The following TEX22 variants were observed in gnomAD, a reference collection of about 807,000 sequenced individuals.
TEX22 encodes testis-expressed protein 22.
A neutral mutation model predicts 11.3 loss-of-function variants in TEX22; 16 were observed. The ratio of observed to expected loss-of-function variants is 1.42; its 90% CI spans 0.96 to 2.15. TEX22 has a LOEUF of 2.15. TEX22 is among the 30% of genes most tolerant of loss of function. TEX22 has a pLI of 0.00. For synonymous variants in TEX22, 97 were observed against 92.3 expected (o/e 1.05, Z -0.29); for missense variants, 220 against 208.6 (o/e 1.05, Z -0.34).
At chr14:105,401,505 TCTCA>T (rs1169412182) in intron 2 of TEX22, among the ~76,000 whole-genome samples, 1 of 143,572 alleles carries the variant, frequency 7.0e-6, no homozygotes, top group African/African-American at 2.6e-5. Context: ...TGCTGCATGT[TCTCA>T]CTCATAGGTG....
chr14:105,411,570 G>A (rs2081692484), intron 3 of TEX22, 74 bp downstream of exon 3: 1 of 1,023,592 alleles, frequency 9.8e-7, no homozygotes, highest in African/African-American at 2.3e-5. Flanking sequence ...CCTCGACTCA[G>A]TCCCACTGGG....
intron 2 of TEX22, among the ~76,000 whole-genome samples, chr14:105,408,322 A>G (rs150887553): frequency 6.6e-6 from 1 of 150,878 alleles, no homozygotes; most frequent in African/African-American, 2.4e-5. Flanking sequence ...GCTCACTGCA[A>G]CCTCCGCCTC....
chr14:105,408,962 C>CCTCCTG (rs1272461914), intron 2 of TEX22, among the ~76,000 whole-genome samples: 3 of 148,478 alleles, frequency 2.0e-5, no homozygotes, highest in African/African-American at 7.4e-5. Context: ...CCCTCCCCCT[C>CCTCCTG]CTCCTGCTCC....
At position 105,399,585 on chromosome 14, in the gene TEX22, A is replaced by C. The variant is rs1400244189; in HGVS notation, c.150+95A>C. 9 of 1,376,192 alleles carry C rather than the reference A, an allele frequency of 6.5e-6. No homozygotes were observed. The African/African-American group carries it at 1.3e-4, about 20-fold the overall frequency. 85.2% of individuals were successfully genotyped at this position (1,376,192 alleles called of 1,614,324 possible). On this transcript the variant is annotated intron_variant, in intron 2 of 3. Transcript: ENST00000451127. Reference sequence around the variant, plus strand: ...AAACTCCAGGCTGGTCGTGATGAGCAGCCTCAGGGGAGGGCTGAGTGGGGA... The same window carrying C: ...AAACTCCAGGCTGGTCGTGATGAGCCGCCTCAGGGGAGGGCTGAGTGGGGA...
At chr14:105,408,929 AT>A (rs1555419075) in intron 2 of TEX22, among the ~76,000 whole-genome samples, 10 of 151,574 alleles carry the variant, frequency 6.6e-5, no homozygotes, top group Non-Finnish European at 7.4e-5. Context: ...CCTGGAGGAA[AT>A]CATTGTGTTC....
chr14:105,409,888 C>T (rs1195726641), intron 2 of TEX22, among the ~76,000 whole-genome samples: 3 of 151,924 alleles, frequency 2.0e-5, no homozygotes, highest in African/African-American at 4.8e-5. Flanking sequence ...GCAATCTCTG[C>T]CTCAGCCTCC....
chr14:105,400,415 C>T (rs2081620639), intron 2 of TEX22, among the ~76,000 whole-genome samples: 1 of 152,190 alleles, frequency 6.6e-6, no homozygotes, highest in Non-Finnish European at 1.5e-5. Flanking sequence ...GCGAACATCT[C>T]ATGACAGGCA....
intron 2 of TEX22, 110 bp downstream of exon 2, chr14:105,399,600 C>G: frequency 8.1e-7 from 1 of 1,238,584 alleles, no homozygotes. Context: ...CAGGGGAGGG[C>G]TGAGTGGGGA....
At chr14:105,405,721 T>G (rs1221143882) in intron 2 of TEX22, among the ~76,000 whole-genome samples, 2 of 152,238 alleles carry the variant, frequency 1.3e-5, no homozygotes, top group African/African-American at 4.8e-5. Context: ...GTGACAAAAT[T>G]ATTCATGCCA....
chr14:105,411,773 G>T lies in TEX22; in HGVS notation c.393G>T (p.Ala131=), dbSNP rs782383679. ...ESTNAFQAFL[A]RSAPFWHNAT... ...CCAACGCCTTCCAGGCCTTCCTGGC[G>T]CGCAGTGCGCCTTTCTGGCATAATG... The change falls in exon 4 of 4, where the codon GCG becomes GCT. Residue 131 remains alanine, a synonymous_variant. Coordinates refer to ENST00000451127, the MANE Select transcript of TEX22 (RefSeq NM_001195082.2). 6.0e-6 allele frequency: 9 copies of T among 1,504,486 alleles called. No homozygotes were observed. Among genetic ancestry groups the T allele is most frequent in the Non-Finnish European group, 8.0e-6 (9 of 1,130,518 alleles). The allele number at this position is 1,504,486 out of a possible 1,614,324, so 93.2% of individuals were successfully genotyped here. A position where few individuals can be genotyped will look rare whatever the true frequency, so the allele number is the denominator to read the frequency against.
intron 2 of TEX22, among the ~76,000 whole-genome samples, chr14:105,405,948 C>G (rs1446032730): frequency 2.0e-5 from 3 of 152,174 alleles, no homozygotes; most frequent in Non-Finnish European, 4.4e-5. Flanking sequence ...GCAAAGACAC[C>G]ACTGCCTGGA....
chr14:105,407,260 G>A (rs2081663334), intron 2 of TEX22, among the ~76,000 whole-genome samples: 1 of 151,916 alleles, frequency 6.6e-6, no homozygotes, highest in Non-Finnish European at 1.5e-5. Context: ...TAGGCATGGG[G>A]TTTCATCATG....
rs1185555081 is a variant in TEX22 at position 105,413,142 on chromosome 14, C to G, written c.*1309C>G. On this transcript the variant is annotated 3_prime_UTR_variant, in exon 4 of 4. Coordinates refer to ENST00000451127, the MANE Select transcript of TEX22 (RefSeq NM_001195082.2). This position sits in a 1 kb window ranked among gnomAD's most constrained non-coding sequence, Gnocchi z 4.2. ...TCATTTGGTGCACCCTAGGGATCCT[C>G]TGCATTTCTCAGGAGCCCTAGGGTA... The G allele has an allele frequency of 6.6e-6, 1 of 152,288 alleles. No individual in the cohort carries two copies. Among genetic ancestry groups the G allele is most frequent in the Non-Finnish European group, 1.5e-5 (1 of 68,096 alleles). 9.4% of individuals were successfully genotyped at this position (152,288 alleles called of 1,614,324 possible).
In TEX22 at chr14:105,411,401, C is replaced by A. The variant is rs1050966916; in HGVS notation, c.184C>A (p.Arg62Ser). The A allele has an allele frequency of 7.6e-7, 1 of 1,319,296 alleles. No individual in the cohort carries two copies. The highest frequency in any genetic ancestry group is 9.7e-7 in the Non-Finnish European group (1 of 1,035,180). 81.7% of individuals were successfully genotyped at this position (1,319,296 alleles called of 1,614,324 possible). A position where few individuals can be genotyped will look rare whatever the true frequency, so the allele number is the denominator to read the frequency against. Residue 62 changes from arginine to serine, a missense_variant, in exon 3 of 4, where the codon CGC (arginine) becomes AGC (serine). Physicochemically the swap from Arg to Ser is moderately radical, Grantham distance 110. Transcript: ENST00000451127. Reference sequence around the variant, plus strand: ...GCCGCCGGAACGCAGGCGCCCGGGCCGCCGCTGGAGCGTCAGCATCGACGA... The same window carrying A: ...GCCGCCGGAACGCAGGCGCCCGGGCAGCCGCTGGAGCGTCAGCATCGACGA... The part of the protein sequence containing the change: ...CEPPERRRPG[R>S]RWSVSIDERR...
intron 2 of TEX22, among the ~76,000 whole-genome samples, chr14:105,404,274 A>G (rs782230387): frequency 6.6e-6 from 1 of 152,328 alleles, no homozygotes; most frequent in Admixed American, 6.5e-5. Context: ...CAGCTTCAGT[A>G]TCCTCAGTAT....
chr14:105,401,804 C>G (rs2044892178), intron 2 of TEX22, among the ~76,000 whole-genome samples: 1 of 152,166 alleles, frequency 6.6e-6, no homozygotes, highest in Non-Finnish European at 1.5e-5. Context: ...TCTCCATAGC[C>G]TGACGGAGGG....
In TEX22 at chr14:105,411,405, GC is replaced by G; in HGVS notation, c.189del (p.Trp64GlyfsTer36). The G allele has an allele frequency of 7.7e-7, 1 of 1,302,796 alleles. No homozygotes were observed. Among genetic ancestry groups the G allele is most frequent in the South Asian group, 2.2e-5 (1 of 44,826 alleles). The allele number at this position is 1,302,796 out of a possible 1,614,324, so 80.7% of individuals were successfully genotyped here. On this transcript the variant is annotated frameshift_variant, in exon 3 of 4. Transcript: ENST00000451127. LOFTEE classifies it high-confidence loss of function. ...EPPERRRPGR[R>X]WSVSIDERRR... ...CCGGAACGCAGGCGCCCGGGCCGCC[GC>G]TGGAGCGTCAGCATCGACGAGCGCC...
chr14:105,405,358 A>G (rs1241306075), intron 2 of TEX22, among the ~76,000 whole-genome samples: 1 of 152,166 alleles, frequency 6.6e-6, no homozygotes, highest in Non-Finnish European at 1.5e-5. Context: ...CTCACATATT[A>G]CAGCAGAAGA....
intron 2 of TEX22, among the ~76,000 whole-genome samples, chr14:105,410,796 T>C (rs587690734): frequency 7.9e-5 from 12 of 152,244 alleles, no homozygotes; most frequent in African/African-American, 2.9e-4. Flanking sequence ...ATAGAGGTCG[T>C]GCTGGGGACC....
Sources: allele counts gnomAD v4.1 joint callset (sites outside exome capture counted in the v4.1 genomes callset), GRCh38; gene constraint gnomAD v4.1.1; non-coding constraint Gnocchi (gnomAD v3.1); transcripts MANE v1.5; gene names NCBI Gene and HGNC (gene_info 2026-07-23, HGNC 2026-07-21).